CANX: variants seen among roughly 807,000 people sequenced by gnomAD.
CANX encodes calnexin.
CANX carries 14 observed loss-of-function variants against 75.7 expected under a neutral mutation model. The observed-to-expected ratio is 0.19, with a 90% CI of 0.12 to 0.29. The LOEUF (loss-of-function observed/expected upper bound fraction) is 0.29. CANX is among the 10% of genes least tolerant of loss of function. The pLI, the probability that CANX is intolerant of heterozygous loss-of-function variation, is 1.00. For synonymous variants in CANX, 227 were observed against 236.9 expected (o/e 0.96, Z 0.38); for missense variants, 567 against 713.2 (o/e 0.79, Z 2.34).
intron 1 of CANX, chr5:179,700,116 A>G (rs552549385): frequency 2.6e-5 from 4 of 152,358 alleles, no homozygotes; most frequent in Admixed American, 2.6e-4. Flanking sequence ...GAACTGGTTC[A>G]GTCCTGTTTC....
intron 1 of CANX, among the ~76,000 whole-genome samples, chr5:179,701,960 C>T (rs747493949): frequency 1.7e-4 from 26 of 151,792 alleles, no homozygotes; most frequent in Non-Finnish European, 2.6e-4. Flanking sequence ...AGGCTGGTTG[C>T]GAACTCCTGA....
intron 1 of CANX, among the ~76,000 whole-genome samples, chr5:179,702,336 G>A (rs1776827896): frequency 6.6e-6 from 1 of 151,862 alleles, no homozygotes; most frequent in Admixed American, 6.6e-5. Flanking sequence ...ACACGCGCGA[G>A]CCACGATGCC....
upstream of CANX, chr5:179,698,618 G>T: frequency 7.8e-7 from 1 of 1,282,354 alleles, no homozygotes; most frequent in Non-Finnish European, 1.0e-6. Context: ...GGGCTACTGG[G>T]GGTTGGGTTG....
intron 1 of CANX, among the ~76,000 whole-genome samples, chr5:179,684,394 T>C (rs1776144994): frequency 6.6e-6 from 1 of 150,696 alleles, no homozygotes; most frequent in East Asian, 1.9e-4. Flanking sequence ...GTAAGCCTTT[T>C]TTTTTTTTTT....
At chr5:179,719,836 T>G in intron 9 of CANX, 55 bp downstream of exon 9, 1 of 1,006,984 alleles carries the variant, frequency 9.9e-7, no homozygotes, top group South Asian at 1.5e-5. Flanking sequence ...TTGTTTTTTT[T>G]TTTGAGATGG....
At chr5:179,703,993 G>A (rs1018788556) in intron 1 of CANX, among the ~76,000 whole-genome samples, 1 of 152,084 alleles carries the variant, frequency 6.6e-6, no homozygotes, top group Non-Finnish European at 1.5e-5. Flanking sequence ...AGGAGAAAAG[G>A]ACATCTTGTG....
At chr5:179,712,133 T>TTTG (rs1491463525) in intron 7 of CANX, among the ~76,000 whole-genome samples, 1 of 150,780 alleles carries the variant, frequency 6.6e-6, no homozygotes. Flanking sequence ...TTTTTTTTTT[T>TTTG]CTACAAAGAG....
chr5:179,679,182 C>T lies in CANX; in HGVS notation c.-4+405C>T, dbSNP rs954518169. ...GGCACGCAGGTGCTCGAAGGGGAGC[C>T]TCGGGAGCGCTGGCGACTCGTGCTG... On this transcript the variant is annotated intron_variant, in intron 1 of 14. Transcript: ENST00000681674. 1.1e-5 allele frequency: 17 copies of T among 1,534,920 alleles called. No individual in the cohort carries two copies. In the Admixed American group the frequency reaches 1.6e-4, roughly 14 times the overall value.
intron 1 of CANX, among the ~76,000 whole-genome samples, chr5:179,688,465 G>T (rs190792665): frequency 6.8e-6 from 1 of 147,238 alleles, no homozygotes; most frequent in East Asian, 2.0e-4. Context: ...CCGGGTTCAC[G>T]CCATTCTTCT....
chr5:179,689,681 C>T (rs1375539309), intron 1 of CANX, among the ~76,000 whole-genome samples: 1 of 152,136 alleles, frequency 6.6e-6, no homozygotes, highest in African/African-American at 2.4e-5. Context: ...TGAGCCACCA[C>T]ACCCGGCCTC....
Position 179,720,446 on chromosome 5 carries a change from C to T in CANX, c.1068C>T (p.Ala356=). 1 of 1,613,942 alleles carries T rather than the reference C, an allele frequency of 6.2e-7. No homozygotes were observed. Among genetic ancestry groups the T allele is most frequent in the Admixed American group, 1.7e-5 (1 of 60,016 alleles). The change falls in exon 10 of 15, where the codon GCC becomes GCT. Residue 356 remains alanine (A), a synonymous_variant. Coordinates refer to ENST00000247461, the MANE Select transcript of CANX (RefSeq NM_001746.4). ...MDGEWEAPQI[A]NPRCESAPGC... is the part of the protein sequence containing the mutation. ...GAGAATGGGAGGCTCCTCAGATTGC[C>T]AACCCTAGATGTGAGTCAGCTCCTG...
chr5:179,684,250 G>A (rs1163595319), intron 1 of CANX, among the ~76,000 whole-genome samples: 2 of 152,060 alleles, frequency 1.3e-5, no homozygotes, highest in African/African-American at 4.8e-5. Context: ...TTAATTAAAG[G>A]TGGTGGTGGC....
intron 1 of CANX, among the ~76,000 whole-genome samples, 176 bp downstream of exon 1, chr5:179,699,278 C>G (rs551212305): frequency 6.6e-6 from 1 of 152,056 alleles, no homozygotes; most frequent in African/African-American, 2.4e-5. Flanking sequence ...ATCCGGGCGT[C>G]TTTGGTTGGG....
At chr5:179,720,256 A>G in intron 9 of CANX, 148 bp from the exon 10 acceptor site, 1 of 474,896 alleles carries the variant, frequency 2.1e-6, no homozygotes, top group Non-Finnish European at 3.8e-6. Flanking sequence ...TTTTTCCTGA[A>G]AAACTGTTAT....
chr5:179,694,169 A>G (rs201253972), upstream of CANX: 4 of 225,576 alleles, frequency 1.8e-5, no homozygotes, highest in East Asian at 8.0e-5. Flanking sequence ...AAAAAAAAAA[A>G]GGAATGAGAG....
At chr5:179,693,653 C>T (rs191874872), upstream of CANX, among the ~76,000 whole-genome samples, 2 of 151,738 alleles carry the variant, frequency 1.3e-5, no homozygotes, top group East Asian at 2.0e-4. Flanking sequence ...GCCTGGGCAA[C>T]AGTGAGAATC....
chr5:179,721,048 C>T (rs1378624058), intron 10 of CANX, among the ~76,000 whole-genome samples: 1 of 150,294 alleles, frequency 6.7e-6, no homozygotes, highest in African/African-American at 2.5e-5. Context: ...TCCTAAAGTG[C>T]TGGGATTACA....
chr5:179,698,693 A>T, upstream of CANX: 1 of 966,938 alleles, frequency 1.0e-6, no homozygotes. Flanking sequence ...CCGCCCCGAG[A>T]CGCGCGCGCC....
rs898661124 is a variant in CANX at position 179,731,382 on chromosome 5, TAAAGA to T, written c.*2743_*2747del. Among the ~76,000 whole-genome samples the T allele has an allele frequency of 9.9e-5, 15 of 152,230 alleles. No individual in the cohort carries two copies. Among genetic ancestry groups the T allele is most frequent in the Middle Eastern group, 3.4e-3 (1 of 292 alleles). On this transcript the variant is annotated 3_prime_UTR_variant, in exon 15 of 15. Coordinates refer to ENST00000247461, the MANE Select transcript of CANX (RefSeq NM_001746.4). ...GCTATTAAATTTTTAGATTACATAC[TAAAGA>T]AAAGTATGTACACAGAATGTAGTGC...
Sources: gnomAD v4.1 joint callset for allele counts (sites outside exome capture counted in the v4.1 genomes callset) on GRCh38, gnomAD v4.1.1 for gene constraint, MANE v1.5 for transcripts, NCBI Gene and HGNC (gene_info 2026-07-23, HGNC 2026-07-21) for gene names.